Variants in NALF1 observed in about 807,000 individuals in gnomAD.
The protein encoded by NALF1 is family with sequence similarity 155 member A.
NALF1 carries 3 observed loss-of-function variants against 48.4 expected under a neutral mutation model. The observed-to-expected ratio is 0.06, with a 90% CI of 0.03 to 0.16. The LOEUF (loss-of-function observed/expected upper bound fraction) is 0.16. Among genes scored for constraint, NALF1 ranks in the 10% least tolerant of loss-of-function variants. The probability of loss-of-function intolerance (pLI) is 1.00; values close to 1 mark genes in which losing one functional copy is unlikely to be tolerated. For missense variants in NALF1, 526 were observed against 571.5 expected (o/e 0.92, Z 0.81); for synonymous variants, 262 against 245.7 (o/e 1.07, Z -0.62).
At chr13:107,249,345 T>A (rs974665981) in intron 1 of NALF1, among the ~76,000 whole-genome samples, 3 of 152,140 alleles carry the variant, frequency 2.0e-5, no homozygotes, top group Non-Finnish European at 4.4e-5. Flanking sequence ...CATTGTTGAA[T>A]GGATCTAGAA....
At chr13:107,768,106 G>A (rs915560228) in intron 1 of NALF1, among the ~76,000 whole-genome samples, 2 of 152,080 alleles carry the variant, frequency 1.3e-5, no homozygotes, top group East Asian at 1.9e-4. Flanking sequence ...CACTTCAATC[G>A]TCTGAGGCTC....
In NALF1 at chr13:107,539,273, G is replaced by A. The variant is rs185845650; in HGVS notation, c.915+326409C>T. ...TGGTGAGGGTCATCCCATGACAGAAGGATGGAAGGCAGAAGCAAGCGTGCA... is the reference window on the plus strand; with the variant it reads ...TGGTGAGGGTCATCCCATGACAGAAAGATGGAAGGCAGAAGCAAGCGTGCA... On this transcript the variant is annotated intron_variant, in intron 1 of 2. Transcript: ENST00000375915. Among the ~76,000 whole-genome samples, 11 of 152,036 alleles carry A rather than the reference G, an allele frequency of 7.2e-5. No individual in the cohort carries two copies. In the East Asian group the frequency reaches 2.1e-3, roughly 29 times the overall value.
At chr13:107,744,930 C>T (rs1346222626) in intron 1 of NALF1, among the ~76,000 whole-genome samples, 1 of 152,204 alleles carries the variant, frequency 6.6e-6, no homozygotes, top group African/African-American at 2.4e-5. Context: ...CCGTGACTGT[C>T]ACACAGTGGA....
At chr13:107,684,552 G>C (rs1566443246) in intron 1 of NALF1, among the ~76,000 whole-genome samples, 1 of 152,110 alleles carries the variant, frequency 6.6e-6, no homozygotes, top group Non-Finnish European at 1.5e-5. Flanking sequence ...GATAGAGTGG[G>C]CCAGGAAAGA....
At chr13:107,654,560 A>G (rs1006427458) in intron 1 of NALF1, among the ~76,000 whole-genome samples, 7 of 152,120 alleles carry the variant, frequency 4.6e-5, no homozygotes, top group African/African-American at 1.7e-4. Context: ...GCTGAGTTCT[A>G]TCAGACATTC....
intron 1 of NALF1, among the ~76,000 whole-genome samples, chr13:107,780,028 T>A (rs1877839923): frequency 6.9e-6 from 1 of 145,648 alleles, no homozygotes; most frequent in South Asian, 2.2e-4. Context: ...CTCCAAGACA[T>A]ACTTTTTTTT....
intron 1 of NALF1, among the ~76,000 whole-genome samples, chr13:107,661,142 C>CA (rs1000791739): frequency 6.6e-6 from 1 of 152,138 alleles, no homozygotes; most frequent in Non-Finnish European, 1.5e-5. Context: ...TAGGAACTTT[C>CA]AAAAAACATT....
chr13:107,217,466 C>T (rs183685473), intron 1 of NALF1, among the ~76,000 whole-genome samples: 3 of 152,138 alleles, frequency 2.0e-5, no homozygotes, highest in Non-Finnish European at 2.9e-5. Context: ...TCTGGGCAAC[C>T]GTCCATCCTC....
At chr13:107,319,343 T>C (rs1321594436) in intron 1 of NALF1, among the ~76,000 whole-genome samples, 1 of 151,932 alleles carries the variant, frequency 6.6e-6, no homozygotes, top group Non-Finnish European at 1.5e-5. Flanking sequence ...ATGAAGGAGG[T>C]ATTCAGGGAA....
chr13:107,607,082 G>GCTGGCAAAACCA (rs1284224588), intron 1 of NALF1, among the ~76,000 whole-genome samples: 1 of 152,054 alleles, frequency 6.6e-6, no homozygotes, highest in East Asian at 1.9e-4. Flanking sequence ...TGGCAAAACC[G>GCTGGCAAAACCA]CAATTACCTT....
intron 1 of NALF1, among the ~76,000 whole-genome samples, chr13:107,829,853 T>C (rs567318952): frequency 1.5e-4 from 23 of 152,288 alleles, no homozygotes; most frequent in African/African-American, 4.8e-4. Flanking sequence ...ATTTTTTAAA[T>C]TTCTCTTTAT....
chr13:107,828,220 A>G (rs1879579897), intron 1 of NALF1, among the ~76,000 whole-genome samples: 1 of 152,206 alleles, frequency 6.6e-6, no homozygotes, highest in Non-Finnish European at 1.5e-5. Context: ...ATTTGAGTGA[A>G]GGTCCCTTTT....
chr13:107,557,908 C>T (rs980831641), intron 1 of NALF1, among the ~76,000 whole-genome samples: 3 of 152,106 alleles, frequency 2.0e-5, no homozygotes, highest in Non-Finnish European at 2.9e-5. Flanking sequence ...ATCAAAAATG[C>T]CTACTCTCAG....
intron 1 of NALF1, among the ~76,000 whole-genome samples, chr13:107,859,089 G>C (rs1880504636): frequency 1.3e-5 from 2 of 150,164 alleles, no homozygotes; most frequent in African/African-American, 5.1e-5. Context: ...CGGTACACAG[G>C]CTCTGGAAAT....
At chr13:107,768,550 G>C (rs1409185710) in intron 1 of NALF1, among the ~76,000 whole-genome samples, 4 of 152,070 alleles carry the variant, frequency 2.6e-5, no homozygotes, top group African/African-American at 2.4e-5. Flanking sequence ...CGTTTATAAA[G>C]AACAGGATGA....
chr13:107,659,200 G>C (rs534267873), intron 1 of NALF1, among the ~76,000 whole-genome samples: 5 of 151,858 alleles, frequency 3.3e-5, no homozygotes, highest in African/African-American at 1.2e-4. Context: ...ATCCACTGAA[G>C]TGTCACGTTC....
At chr13:107,639,358 C>T (rs1447288927) in intron 1 of NALF1, among the ~76,000 whole-genome samples, 3 of 152,168 alleles carry the variant, frequency 2.0e-5, no homozygotes, top group East Asian at 3.9e-4. Context: ...CCTTTCTCCC[C>T]GATGACCCAG....
At chr13:107,277,778 A>C (rs1881309840) in intron 1 of NALF1, among the ~76,000 whole-genome samples, 1 of 152,176 alleles carries the variant, frequency 6.6e-6, no homozygotes, top group Non-Finnish European at 1.5e-5. Flanking sequence ...TCAGTGAGAG[A>C]GTTTAAGGAA....
intron 1 of NALF1, among the ~76,000 whole-genome samples, chr13:107,506,041 T>C (rs1310221174): frequency 6.6e-6 from 1 of 152,184 alleles, no homozygotes; most frequent in African/African-American, 2.4e-5. Flanking sequence ...ATAATAATTT[T>C]TGTTATAAGA....
Sources: allele counts gnomAD v4.1 joint callset (sites outside exome capture counted in the v4.1 genomes callset), GRCh38; gene constraint gnomAD v4.1.1; transcripts MANE v1.5; gene names NCBI Gene and HGNC (gene_info 2026-07-23, HGNC 2026-07-21).